ADGRB3: variants seen among roughly 807,000 people sequenced by gnomAD.
ADGRB3 encodes the protein adhesion G protein-coupled receptor B3.
Under a neutral mutation model 193.4 loss-of-function variants are expected in ADGRB3, and 37 were observed. That is an observed-to-expected ratio of 0.19 (90% confidence interval 0.15 to 0.25). The LOEUF is 0.25. Among genes scored for constraint, ADGRB3 ranks in the 10% least tolerant of loss-of-function variants. ADGRB3 has a pLI of 1.00. For synonymous variants in ADGRB3, 690 were observed against 644.2 expected, an observed-to-expected ratio of 1.07 and a Z score of -1.08; for missense variants, 1,637 against 1,852.9, an observed-to-expected ratio of 0.88 and a Z score of 2.14.
chr6:69,323,740 T>A (rs989230993), intron 20 of ADGRB3, among the ~76,000 whole-genome samples: 2 of 152,108 alleles, frequency 1.3e-5, no homozygotes, highest in Non-Finnish European at 1.5e-5. Context: ...AAGTTCATTT[T>A]ATAGGATTAG....
chr6:68,644,605 G>A (rs1294327768), intron 3 of ADGRB3, among the ~76,000 whole-genome samples: 1 of 152,072 alleles, frequency 6.6e-6, no homozygotes, highest in African/African-American at 2.4e-5. Context: ...CAGTGTTACT[G>A]TTATTCACTC....
At chr6:68,646,493 A>C (rs1768219684) in intron 3 of ADGRB3, among the ~76,000 whole-genome samples, 3 of 150,636 alleles carry the variant, frequency 2.0e-5, no homozygotes, top group Non-Finnish European at 3.0e-5. Flanking sequence ...AAAAAAAAAA[A>C]GAAAAAAGAA....
intron 3 of ADGRB3, among the ~76,000 whole-genome samples, chr6:68,708,042 A>T (rs983549781): frequency 6.6e-6 from 1 of 152,086 alleles, no homozygotes; most frequent in East Asian, 1.9e-4. Context: ...AAAGACAAAG[A>T]CTATCTGGAG....
chr6:68,739,062 C>T (rs1241303887), intron 3 of ADGRB3, among the ~76,000 whole-genome samples: 1 of 152,122 alleles, frequency 6.6e-6, no homozygotes, highest in Non-Finnish European at 1.5e-5. Flanking sequence ...GTTTCAAATT[C>T]TGCTATTGGT....
At chr6:68,883,497 G>A (rs1765797525) in intron 3 of ADGRB3, among the ~76,000 whole-genome samples, 1 of 152,172 alleles carries the variant, frequency 6.6e-6, no homozygotes, top group Non-Finnish European at 1.5e-5. Flanking sequence ...CATTGGGTCT[G>A]TACTGCCTTT....
chr6:69,312,695 A>AAAATAC, intron 20 of ADGRB3, among the ~76,000 whole-genome samples: 1 of 151,708 alleles, frequency 6.6e-6, no homozygotes, highest in East Asian at 1.9e-4. Flanking sequence ...TTTGCTTAAA[A>AAAATAC]AAATACATTT....
At chr6:69,284,904 G>T (rs1399050733) in intron 20 of ADGRB3, among the ~76,000 whole-genome samples, 1 of 151,808 alleles carries the variant, frequency 6.6e-6, no homozygotes, top group Non-Finnish European at 1.5e-5. Context: ...AAACACATCA[G>T]AAATAAAATA....
At chr6:68,938,458 ATATATATATATATG>A (rs1244280352) in intron 5 of ADGRB3, among the ~76,000 whole-genome samples, 1 of 146,612 alleles carries the variant, frequency 6.8e-6, no homozygotes, top group African/African-American at 2.7e-5. Flanking sequence ...ATATATATAT[ATATATATATATATG>A]TTGTGAAATG....
intron 3 of ADGRB3, among the ~76,000 whole-genome samples, chr6:68,839,879 C>A (rs1387454103): frequency 6.6e-6 from 1 of 152,212 alleles, no homozygotes; most frequent in Middle Eastern, 3.4e-3. Context: ...GGCATGGAAA[C>A]AAAATCTTGT....
intron 3 of ADGRB3, among the ~76,000 whole-genome samples, chr6:68,789,302 C>A (rs1041462648): frequency 9.9e-5 from 15 of 152,160 alleles, no homozygotes; most frequent in African/African-American, 3.6e-4. Context: ...CCAGTTGATC[C>A]TTTCCATGTT....
chr6:69,115,924 G>A (rs1393708773), intron 17 of ADGRB3, among the ~76,000 whole-genome samples: 1 of 152,216 alleles, frequency 6.6e-6, no homozygotes, highest in Admixed American at 6.5e-5. Flanking sequence ...GGGTTCTAGA[G>A]AGAGAGGGAA....
At chr6:68,712,978 C>A (rs1296798636) in intron 3 of ADGRB3, among the ~76,000 whole-genome samples, 1 of 151,810 alleles carries the variant, frequency 6.6e-6, no homozygotes, top group Non-Finnish European at 1.5e-5. Context: ...TGTTTAAATG[C>A]CTCTTTGACA....
At chr6:68,688,585 C>T (rs905613906) in intron 3 of ADGRB3, among the ~76,000 whole-genome samples, 4 of 152,120 alleles carry the variant, frequency 2.6e-5, no homozygotes, top group Admixed American at 6.5e-5. Flanking sequence ...GAGAATGTAA[C>T]AGGGATAACG....
intron 17 of ADGRB3, among the ~76,000 whole-genome samples, chr6:69,174,850 G>A (rs1054086492): frequency 3.9e-5 from 6 of 152,176 alleles, no homozygotes; most frequent in Non-Finnish European, 5.9e-5. Flanking sequence ...GCAGCTCTCT[G>A]TTCATAAGTG....
intron 3 of ADGRB3, among the ~76,000 whole-genome samples, chr6:68,796,546 G>C (rs1457777046): frequency 1.3e-5 from 2 of 152,158 alleles, no homozygotes; most frequent in African/African-American, 4.8e-5. Context: ...CAAAACTTCA[G>C]TTAAAGCACT....
intron 3 of ADGRB3, among the ~76,000 whole-genome samples, chr6:68,724,233 G>A (rs1019130735): frequency 4.6e-5 from 7 of 151,566 alleles, no homozygotes; most frequent in African/African-American, 7.3e-5. Flanking sequence ...TAGAGGTCAC[G>A]TTATCACATT....
At chr6:69,155,736 C>T (rs539451931) in intron 17 of ADGRB3, among the ~76,000 whole-genome samples, 5 of 152,076 alleles carry the variant, frequency 3.3e-5, no homozygotes, top group African/African-American at 9.7e-5. Flanking sequence ...TATAGGCCAG[C>T]GTATTTCCAA....
intron 10 of ADGRB3, among the ~76,000 whole-genome samples, chr6:68,976,587 C>T (rs1768755352): frequency 6.6e-6 from 1 of 151,998 alleles, no homozygotes; most frequent in African/African-American, 2.4e-5. Context: ...AACACATATT[C>T]CATATGTTAC....
Position 69,270,935 on chromosome 6 carries a change from C to T in ADGRB3, c.2814+31709C>T, listed in dbSNP as rs906367177. 2.0e-4 allele frequency among the ~76,000 whole-genome samples: 30 copies of T among 151,628 alleles called. 1 individual carries two copies. Among genetic ancestry groups the T allele is most frequent in the African/African-American group, 7.3e-4 (30 of 41,318 alleles). On this transcript the variant is annotated intron_variant, in intron 20 of 31. Transcript: ENST00000370598. ...AGAATAAGCATTTTTTTCAAACAAC[C>T]CATTGAATTGGTAGTATGACAATGT...
Sources: allele counts gnomAD v4.1 joint callset (sites outside exome capture counted in the v4.1 genomes callset), GRCh38; gene constraint gnomAD v4.1.1; transcripts MANE v1.5; gene names NCBI Gene and HGNC (gene_info 2026-07-23, HGNC 2026-07-21).